SLC4A5: variants seen among roughly 807,000 people sequenced by gnomAD.
The protein encoded by SLC4A5 is electrogenic sodium bicarbonate cotransporter 4.
Under a neutral mutation model 120.4 loss-of-function variants are expected in SLC4A5, and 96 were observed. That is an observed-to-expected ratio of 0.80 (90% confidence interval 0.68 to 0.94). The LOEUF (loss-of-function observed/expected upper bound fraction) is 0.94. SLC4A5 is among the 40% of genes least tolerant of loss of function. The pLI is 0.00. For missense variants in SLC4A5, 1,259 were observed against 1,459.5 expected, an observed-to-expected ratio of 0.86 and a Z score of 2.24; for synonymous variants, 550 against 571.1, an observed-to-expected ratio of 0.96 and a Z score of 0.53.
chr2:74,330,523 AGGTCTAGATGGAGG>A (rs1373324891), intron 4 of SLC4A5, among the ~76,000 whole-genome samples: 23 of 149,178 alleles, frequency 1.5e-4, no homozygotes, highest in Admixed American at 1.3e-4. Flanking sequence ...GGAGGTGGTG[AGGTCTAGATGGAGG>A]TGTATGGTGT....
intron 7 of SLC4A5, among the ~76,000 whole-genome samples, chr2:74,302,940 C>T (rs1395674064): frequency 6.6e-6 from 1 of 152,098 alleles, no homozygotes; most frequent in Non-Finnish European, 1.5e-5. Context: ...GCATCCAGAA[C>T]CCACACGGGG....
At chr2:74,254,317 G>T (rs556534737) in intron 14 of SLC4A5, among the ~76,000 whole-genome samples, 2 of 152,192 alleles carry the variant, frequency 1.3e-5, no homozygotes, top group African/African-American at 4.8e-5. Context: ...CCTGGTGCTG[G>T]GTCTACCTTC....
At chr2:74,271,419 T>A (rs950113705) in intron 8 of SLC4A5, among the ~76,000 whole-genome samples, 1 of 152,148 alleles carries the variant, frequency 6.6e-6, no homozygotes, top group Non-Finnish European at 1.5e-5. Context: ...CCAGTTGACA[T>A]CAGAATAAAA....
chr2:74,297,515 T>C (rs894222277), intron 7 of SLC4A5, among the ~76,000 whole-genome samples: 1 of 152,220 alleles, frequency 6.6e-6, no homozygotes, highest in Non-Finnish European at 1.5e-5. Context: ...CCAGTTGGGC[T>C]TGACTGACCT....
chr2:74,243,034 G>T (rs1232036347), intron 19 of SLC4A5, among the ~76,000 whole-genome samples: 4 of 152,336 alleles, frequency 2.6e-5, no homozygotes, highest in Non-Finnish European at 4.4e-5. Flanking sequence ...CCAAATGCAA[G>T]TTGAGGAAAG....
intron 8 of SLC4A5, among the ~76,000 whole-genome samples, chr2:74,276,708 G>C (rs1322034689): frequency 6.6e-6 from 1 of 152,212 alleles, no homozygotes; most frequent in Non-Finnish European, 1.5e-5. Flanking sequence ...TGGGGTGTCT[G>C]CTCTCCCTGT....
chr2:74,309,275 T>C (rs190782402), intron 6 of SLC4A5, among the ~76,000 whole-genome samples: 187 of 152,274 alleles, frequency 1.2e-3, no homozygotes, highest in Middle Eastern at 3.4e-3. Context: ...CACCATTTGC[T>C]GAAAATATTA....
In SLC4A5 at chr2:74,296,472, C is replaced by A. The variant is rs188753246; in HGVS notation, c.271+8017G>T. 2.7e-4 allele frequency among the ~76,000 whole-genome samples: 41 copies of A among 151,970 alleles called. No individual in the cohort carries two copies. The East Asian group carries it at 7.3e-3, about 27-fold the overall frequency. On this transcript the variant is annotated intron_variant, in intron 7 of 30. Transcript: ENST00000394019. Reference sequence around the variant, plus strand: ...TAAAGTTTCAAACCCTAAAAGAAAGCCAATTGTCGGCCAGGCACTGTGGCT... The same window carrying A: ...TAAAGTTTCAAACCCTAAAAGAAAGACAATTGTCGGCCAGGCACTGTGGCT...
At chr2:74,341,823 G>C (rs1428954268) in intron 2 of SLC4A5, among the ~76,000 whole-genome samples, 4 of 152,192 alleles carry the variant, frequency 2.6e-5, no homozygotes, top group African/African-American at 9.7e-5. Context: ...TTCCATCAGG[G>C]CTGCTCTTAC....
intron 25 of SLC4A5, among the ~76,000 whole-genome samples, chr2:74,230,535 T>C (rs1444706241): frequency 4.6e-5 from 7 of 152,134 alleles, no homozygotes; most frequent in Non-Finnish European, 8.8e-5. Context: ...ACCACCATGT[T>C]TGGCCTCCTG....
intron 6 of SLC4A5, among the ~76,000 whole-genome samples, chr2:74,309,865 T>A (rs1188692618): frequency 1.3e-5 from 2 of 151,930 alleles, no homozygotes; most frequent in East Asian, 3.9e-4. Flanking sequence ...GGTTTCACCG[T>A]GTTAGCCAGG....
At chr2:74,243,017 T>C (rs993357668) in intron 19 of SLC4A5, among the ~76,000 whole-genome samples, 4 of 152,240 alleles carry the variant, frequency 2.6e-5, no homozygotes, top group Non-Finnish European at 4.4e-5. Context: ...GTATCTTTTC[T>C]AATCTGCCAA....
At chr2:74,216,595 ACTTT>A in exon 31 of SLC4A5, 1 of 152,124 alleles carries the variant, frequency 6.6e-6, no homozygotes, top group African/African-American at 2.4e-5. Flanking sequence ...GATGATAAAT[ACTTT>A]TTTTAAAAAT....
intron 7 of SLC4A5, among the ~76,000 whole-genome samples, chr2:74,301,219 A>G (rs1392770619): frequency 6.6e-6 from 1 of 152,222 alleles, no homozygotes; most frequent in East Asian, 1.9e-4. Context: ...TTAATATTAT[A>G]CATTTAGTTA....
At chr2:74,309,339 T>C (rs1442508330) in intron 6 of SLC4A5, among the ~76,000 whole-genome samples, 1 of 152,190 alleles carries the variant, frequency 6.6e-6, no homozygotes, top group Non-Finnish European at 1.5e-5. Context: ...GCTGATTATA[T>C]TTGTGTGGGT....
intron 6 of SLC4A5, among the ~76,000 whole-genome samples, chr2:74,313,353 A>G (rs1462972256): frequency 6.6e-6 from 1 of 152,182 alleles, no homozygotes; most frequent in Non-Finnish European, 1.5e-5. Flanking sequence ...TCTCAGCTGA[A>G]CTATGGAGAA....
intron 8 of SLC4A5, among the ~76,000 whole-genome samples, chr2:74,269,763 T>G (rs1259689133): frequency 6.6e-6 from 1 of 152,198 alleles, no homozygotes; most frequent in African/African-American, 2.4e-5. Context: ...GTCTTCACTG[T>G]CTCACAAACA....
At chr2:74,340,543 G>C (rs1222517497) in intron 2 of SLC4A5, among the ~76,000 whole-genome samples, 1 of 152,092 alleles carries the variant, frequency 6.6e-6, no homozygotes, top group Non-Finnish European at 1.5e-5. Flanking sequence ...AATTCCCATG[G>C]GGCCATGAGG....
chr2:74,240,032 T>C (rs1314372922), intron 20 of SLC4A5, among the ~76,000 whole-genome samples: 2 of 147,436 alleles, frequency 1.4e-5, no homozygotes, highest in African/African-American at 5.0e-5. Context: ...TATATATACA[T>C]ATATAAATTT....
Sources: gnomAD v4.1 joint callset for allele counts (sites outside exome capture counted in the v4.1 genomes callset) on GRCh38, gnomAD v4.1.1 for gene constraint, MANE v1.5 for transcripts, NCBI Gene and HGNC (gene_info 2026-07-23, HGNC 2026-07-21) for gene names.